Variants in TMEM209 observed in about 807,000 individuals in gnomAD.
TMEM209 encodes the protein testicular tissue protein Li 202.
Under a neutral mutation model 76.2 loss-of-function variants are expected in TMEM209, and 65 were observed. The observed-to-expected ratio is 0.85, with a 90% confidence interval of 0.70 to 1.05. The LOEUF is 1.05. Ranked by LOEUF, TMEM209 falls within the 50% of genes least tolerant of loss-of-function variation. The pLI is 0.00. For synonymous variants in TMEM209, 239 were observed against 237.6 expected, an observed-to-expected ratio of 1.01 and a Z score of -0.06; for missense variants, 623 against 685.5, an observed-to-expected ratio of 0.91 and a Z score of 1.02.
At chr7:130,185,533 G>A (rs1397820644) in intron 6 of TMEM209, among the ~76,000 whole-genome samples, 166 bp from the exon 7 acceptor site, 1 of 152,080 alleles carries the variant, frequency 6.6e-6, no homozygotes, top group Non-Finnish European at 1.5e-5. Flanking sequence ...GTCTGCTTGT[G>A]ATTAAAAATT....
In TMEM209 at chr7:130,168,980, G is replaced by A. The variant is rs201061463; in HGVS notation, c.1631+1420C>T. On this transcript the variant is annotated intron_variant, in intron 14 of 14. Transcript: ENST00000397622. ...TAGCTGGGTGTGGTGGCTCACACCTGTAATTACAGCACTTTGGGAGGCCGG... is the reference window on the plus strand; with the variant it reads ...TAGCTGGGTGTGGTGGCTCACACCTATAATTACAGCACTTTGGGAGGCCGG... Among the ~76,000 whole-genome samples the A allele has an allele frequency of 3.3e-5, 5 of 152,198 alleles. No individual in the cohort carries two copies. The East Asian group carries it at 9.7e-4, about 29-fold the overall frequency.
At chr7:130,178,054 C>T (rs1307739562) in intron 10 of TMEM209, among the ~76,000 whole-genome samples, 1 of 152,120 alleles carries the variant, frequency 6.6e-6, no homozygotes, top group Non-Finnish European at 1.5e-5. Context: ...GAGAGCACAT[C>T]TTCCACCAAA....
Position 130,166,398 on chromosome 7 carries a change from C to A in TMEM209, c.*53G>T. 6.9e-7 allele frequency: 1 copy of A among 1,454,300 alleles called. No individual in the cohort carries two copies. Among genetic ancestry groups the A allele is most frequent in the Non-Finnish European group, 9.3e-7 (1 of 1,077,434 alleles). 90.1% of individuals were successfully genotyped at this position (1,454,300 alleles called of 1,614,324 possible). On this transcript the variant is annotated 3_prime_UTR_variant, in exon 15 of 15. Transcript: ENST00000397622. Reference sequence around the variant, plus strand: ...TCAGTGGCTCAGAGATGTTTAGTTTCGACTTCTGGTTCAGTGAAATAGTCT... The same window carrying A: ...TCAGTGGCTCAGAGATGTTTAGTTTAGACTTCTGGTTCAGTGAAATAGTCT...
At chr7:130,199,072 G>A (rs935802290) in intron 5 of TMEM209, among the ~76,000 whole-genome samples, 1 of 152,090 alleles carries the variant, frequency 6.6e-6, no homozygotes, top group Admixed American at 6.5e-5. Context: ...TACAGGGATT[G>A]TGAATCTAAC....
At chr7:130,183,235 T>C (rs148513317) in intron 8 of TMEM209, among the ~76,000 whole-genome samples, 10 of 152,306 alleles carry the variant, frequency 6.6e-5, no homozygotes, top group Middle Eastern at 3.4e-3. Flanking sequence ...ATTTACTACA[T>C]GCATCTTAAT....
At chr7:130,178,189 T>C (rs1415557077) in intron 10 of TMEM209, among the ~76,000 whole-genome samples, 1 of 152,170 alleles carries the variant, frequency 6.6e-6, no homozygotes, top group Non-Finnish European at 1.5e-5. Flanking sequence ...TTCTTATGAG[T>C]CTAAAAGTAG....
chr7:130,177,276 G>A (rs1403986540), intron 10 of TMEM209, among the ~76,000 whole-genome samples: 1 of 151,570 alleles, frequency 6.6e-6, no homozygotes, highest in Non-Finnish European at 1.5e-5. Flanking sequence ...GCTTGAACCC[G>A]GGAGGTGGAG....
intron 14 of TMEM209, among the ~76,000 whole-genome samples, chr7:130,167,884 T>A (rs1796931193): frequency 6.6e-6 from 1 of 152,194 alleles, no homozygotes; most frequent in African/African-American, 2.4e-5. Flanking sequence ...AGGATGTATT[T>A]GAAAAAATAT....
At chr7:130,178,285 C>T (rs760761257) in intron 10 of TMEM209, 117 bp downstream of exon 10, 109 of 999,600 alleles carry the variant, frequency 1.1e-4, no homozygotes, top group Middle Eastern at 3.5e-4. Flanking sequence ...ATAATTAATA[C>T]GTATTTATAA....
At chr7:130,189,096 A>T (rs1225476515) in intron 6 of TMEM209, among the ~76,000 whole-genome samples, 1 of 151,692 alleles carries the variant, frequency 6.6e-6, no homozygotes, top group East Asian at 1.9e-4. Context: ...TCAATAAAAG[A>T]AAAAAAAAGC....
rs998125637 is a variant in TMEM209, at chr7:130,178,587, T to G, written c.1121-60A>C. ...CTAAAAGTGAGTTTCCAAAAGAACT[T>G]AAAATGCTCTTCTCATGTGTTCATA... On this transcript the variant is annotated intron_variant, in intron 9 of 14. Transcript: ENST00000397622. 53 of 1,589,988 alleles carry G rather than the reference T, an allele frequency of 3.3e-5. No homozygotes were observed. In the Middle Eastern group the frequency reaches 2.1e-3, roughly 62 times the overall value.
At chr7:130,203,693 A>C in intron 3 of TMEM209, 95 bp downstream of exon 3, 1 of 1,099,030 alleles carries the variant, frequency 9.1e-7, no homozygotes, top group Non-Finnish European at 1.3e-6. Context: ...GCAGTCAAAT[A>C]CTTGTTGAAT....
chr7:130,176,500 A>G (rs1010724430), intron 10 of TMEM209, among the ~76,000 whole-genome samples: 12 of 152,292 alleles, frequency 7.9e-5, no homozygotes, highest in African/African-American at 2.6e-4. Context: ...ATACACAGAC[A>G]CTTTCTCTTT....
At chr7:130,177,652 A>G (rs1311260806) in intron 10 of TMEM209, among the ~76,000 whole-genome samples, 2 of 152,150 alleles carry the variant, frequency 1.3e-5, no homozygotes, top group African/African-American at 4.8e-5. Flanking sequence ...TGGACGGGGT[A>G]TGGATAGGGC....
chr7:130,186,056 CA>C (rs1797587689), intron 6 of TMEM209, among the ~76,000 whole-genome samples: 1 of 152,120 alleles, frequency 6.6e-6, no homozygotes, highest in African/African-American at 2.4e-5. Flanking sequence ...AAGCAGGGAG[CA>C]TTTTTTTTCC....
In TMEM209 at chr7:130,201,867, C is replaced by G. The variant is rs775337438; in HGVS notation, c.556G>C (p.Val186Leu). ...SYSPGVTYSP[V>L]SGYNKLASFS... ...GTCATTACCTTATTATAACCACTGA[C>G]GGGCGAGTAGGTCACTCCAGGGCTA... Residue 186 changes from valine (V) to leucine (L), a missense_variant, in exon 5 of 15, where the codon GTC (valine) becomes CTC (leucine). Val to Leu is a conservative substitution (Grantham distance 32). Transcript: ENST00000397622. The G allele has an allele frequency of 5.0e-6, 8 of 1,613,896 alleles. No homozygotes were observed. Among genetic ancestry groups the G allele is most frequent in the Non-Finnish European group, 6.8e-6 (8 of 1,179,860 alleles).
chr7:130,166,258 C>T lies in TMEM209; in HGVS notation c.*193G>A. 2 of 395,528 alleles carry T rather than the reference C, an allele frequency of 5.1e-6. No individual in the cohort carries two copies. The highest frequency in any genetic ancestry group is 7.6e-5 in the East Asian group (2 of 26,250). 24.5% of individuals were successfully genotyped at this position (395,528 alleles called of 1,614,324 possible). On this transcript the variant is annotated 3_prime_UTR_variant, in exon 15 of 15. Transcript: ENST00000397622. ...AGCGATATAAAATTAAAGGCAATGTCTCGATATAGAAGATACGGGACATAT... is the reference window on the plus strand; with the variant it reads ...AGCGATATAAAATTAAAGGCAATGTTTCGATATAGAAGATACGGGACATAT...
rs752198667 is a variant in TMEM209 at position 130,181,652 on chromosome 7, C to T, written c.1091G>A (p.Arg364Gln). The T allele has an allele frequency of 1.4e-5, 23 of 1,612,334 alleles. No homozygotes were observed. The highest frequency in any genetic ancestry group is 2.2e-5 in the South Asian group (2 of 90,490). The part of the protein sequence containing the change: ...EIESVSTQMR[R>Q]MGCPELQIGE... Reference sequence around the variant, plus strand: ...TATCTGTAGCTCTGGACAACCCATTCGTCTCATCTGTGTGCTGACAGACTC... The same window carrying T: ...TATCTGTAGCTCTGGACAACCCATTTGTCTCATCTGTGTGCTGACAGACTC... Residue 364 changes from arginine to glutamine, a missense_variant, in exon 9 of 15, where the codon CGA becomes CAA. Arg to Gln is a conservative substitution (Grantham distance 43). Coordinates refer to ENST00000397622, the MANE Select transcript of TMEM209 (RefSeq NM_032842.4).
chr7:130,192,762 C>T lies in TMEM209; in HGVS notation c.635G>A (p.Ser212Asn). 1 of 1,613,962 alleles carries T rather than the reference C, an allele frequency of 6.2e-7. No homozygotes were observed. Among genetic ancestry groups the T allele is most frequent in the South Asian group, 1.1e-5 (1 of 91,086 alleles). ...ACGGTAGCGAGATCTCAATCCACTG[C>T]TCTCCACTGGTCCAACAGTGGTAGG... ...PYPTTVGPVE[S>N]SGLRSRYRSS... The change falls in exon 6 of 15, where the codon AGC (serine) becomes AAC (asparagine). Residue 212 changes from serine (S) to asparagine (N), a missense_variant. By Grantham distance (46) the Ser-to-Asn change is conservative. Transcript: ENST00000397622.
Sources: allele counts gnomAD v4.1 joint callset (sites outside exome capture counted in the v4.1 genomes callset), GRCh38; gene constraint gnomAD v4.1.1; transcripts MANE v1.5; gene names NCBI Gene and HGNC (gene_info 2026-07-23, HGNC 2026-07-21).